The following RCSD1 variants were observed in gnomAD, a reference collection of about 807,000 sequenced individuals.
RCSD1 encodes RCSD domain containing 1.
RCSD1 carries 26 observed loss-of-function variants against 42.5 expected under a neutral mutation model. The ratio of observed to expected loss-of-function variants is 0.61; its 90% CI spans 0.45 to 0.85. The LOEUF (loss-of-function observed/expected upper bound fraction) is 0.85. RCSD1 is among the 40% of genes least tolerant of loss of function. RCSD1 has a pLI of 0.00. For synonymous variants in RCSD1, 220 were observed against 212.2 expected (o/e 1.04, Z -0.32); for missense variants, 571 against 528.3 (o/e 1.08, Z -0.79).
chr1:167,639,847 C>T (rs1438876989), intron 1 of RCSD1, among the ~76,000 whole-genome samples: 1 of 152,156 alleles, frequency 6.6e-6, no homozygotes, highest in African/African-American at 2.4e-5. Flanking sequence ...GCTAGGAGGG[C>T]CCAGCTACCC....
Position 167,643,638 on chromosome 1 carries a change from G to C in RCSD1, c.6+13209G>C, listed in dbSNP as rs549757549. 6.6e-5 allele frequency among the ~76,000 whole-genome samples: 10 copies of C among 152,132 alleles called. No homozygotes were observed. The East Asian group carries it at 1.9e-3, about 29-fold the overall frequency. ...CTTAAGGGCTAAGAGCACACACAGA[G>C]AGCCATATGGCTGGGTTTGAGTTTG... On this transcript the variant is annotated intron_variant, in intron 1 of 6. Transcript: ENST00000367854.
chr1:167,649,632 A>G (rs1186467513), intron 1 of RCSD1, among the ~76,000 whole-genome samples: 1 of 152,166 alleles, frequency 6.6e-6, no homozygotes, highest in African/African-American at 2.4e-5. Flanking sequence ...TGAGGCCTTT[A>G]GGAGGCTGGT....
chr1:167,680,324 G>A (rs1450053887), intron 1 of RCSD1, among the ~76,000 whole-genome samples: 1 of 152,008 alleles, frequency 6.6e-6, no homozygotes, highest in Non-Finnish European at 1.5e-5. Flanking sequence ...ATCTGGGTAT[G>A]GTCCATGGGG....
At chr1:167,630,490 C>G in intron 1 of RCSD1, 61 bp downstream of exon 1, 1 of 1,475,044 alleles carries the variant, frequency 6.8e-7, no homozygotes, top group Non-Finnish European at 9.1e-7. Context: ...GGCGCCCCTT[C>G]CCCGGGCGGC....
intron 1 of RCSD1, among the ~76,000 whole-genome samples, chr1:167,632,057 C>T (rs779875930): frequency 6.6e-6 from 1 of 152,216 alleles, no homozygotes; most frequent in Non-Finnish European, 1.5e-5. Flanking sequence ...ACGCACACAG[C>T]GAAGCTCAGC....
intron 1 of RCSD1, among the ~76,000 whole-genome samples, chr1:167,632,056 G>A (rs1657714933): frequency 6.6e-6 from 1 of 152,236 alleles, no homozygotes; most frequent in East Asian, 1.9e-4. Flanking sequence ...CACGCACACA[G>A]CGAAGCTCAG....
chr1:167,678,359 A>G lies in RCSD1; in HGVS notation c.7-5541A>G, dbSNP rs191096851. The stretch of plus-strand genomic sequence containing the variant: ...CATGTCAGACTTTCATGACCAAGGA[A>G]GAACTATTCATTGCCCAACTAGCCC... On this transcript the variant is annotated intron_variant, in intron 1 of 6. Transcript: ENST00000367854. 1.3e-3 allele frequency among the ~76,000 whole-genome samples: 195 copies of G among 152,280 alleles called. 4 individuals are homozygous for G. The highest frequency in any genetic ancestry group is 8.1e-3 in the East Asian group (42 of 5,184).
chr1:167,689,123 A>G (rs918807232), intron 3 of RCSD1, among the ~76,000 whole-genome samples: 4 of 152,216 alleles, frequency 2.6e-5, no homozygotes, highest in African/African-American at 9.6e-5. Flanking sequence ...AGACTGAATC[A>G]TGCTCATCTT....
At chr1:167,683,133 T>A (rs867549441) in intron 1 of RCSD1, among the ~76,000 whole-genome samples, 2 of 152,194 alleles carry the variant, frequency 1.3e-5, no homozygotes, top group South Asian at 2.1e-4. Flanking sequence ...ACAGCCACGG[T>A]AAACTGATGA....
intron 1 of RCSD1, among the ~76,000 whole-genome samples, chr1:167,636,088 G>GA (rs1435326420): frequency 2.0e-5 from 3 of 152,114 alleles, no homozygotes; most frequent in Non-Finnish European, 4.4e-5. Context: ...TCAGCCTCCC[G>GA]TTTTTTTCCT....
chr1:167,678,594 C>T (rs757577617), intron 1 of RCSD1, among the ~76,000 whole-genome samples: 4 of 152,156 alleles, frequency 2.6e-5, no homozygotes, highest in East Asian at 1.9e-4. Context: ...TCAGCTGGAC[C>T]GCTGCCAGCA....
At chr1:167,680,568 C>G (rs1282726935) in intron 1 of RCSD1, among the ~76,000 whole-genome samples, 1 of 152,080 alleles carries the variant, frequency 6.6e-6, no homozygotes, top group South Asian at 2.1e-4. Context: ...GCAGCCTCGA[C>G]CAACTGGGCC....
At chr1:167,688,153 G>T (rs1311765469) in intron 3 of RCSD1, among the ~76,000 whole-genome samples, 1 of 152,154 alleles carries the variant, frequency 6.6e-6, no homozygotes, top group Admixed American at 6.5e-5. Context: ...GATTCTTTCT[G>T]CTTTGCAATT....
intron 1 of RCSD1, among the ~76,000 whole-genome samples, chr1:167,650,574 A>G (rs1335168184): frequency 6.6e-6 from 1 of 152,196 alleles, no homozygotes; most frequent in African/African-American, 2.4e-5. Flanking sequence ...TGTGCTCTCT[A>G]ACCAGAAGGA....
At chr1:167,699,504 C>T (rs1659589723) in intron 6 of RCSD1, among the ~76,000 whole-genome samples, 1 of 152,154 alleles carries the variant, frequency 6.6e-6, no homozygotes, top group Non-Finnish European at 1.5e-5. Flanking sequence ...TCTCTGCCTC[C>T]ATCTCCATCA....
At chr1:167,652,711 G>A (rs1292533311) in intron 1 of RCSD1, among the ~76,000 whole-genome samples, 1 of 151,972 alleles carries the variant, frequency 6.6e-6, no homozygotes, top group South Asian at 2.1e-4. Context: ...AAGCATGGGG[G>A]ATTTTTTTTT....
At chr1:167,703,173 C>T (rs1659683303) in intron 6 of RCSD1, among the ~76,000 whole-genome samples, 1 of 152,120 alleles carries the variant, frequency 6.6e-6, no homozygotes, top group Non-Finnish European at 1.5e-5. Flanking sequence ...AGTTCTTGGC[C>T]CTATTTCTTC....
At chr1:167,668,320 T>C (rs1379540583) in intron 1 of RCSD1, among the ~76,000 whole-genome samples, 1 of 151,704 alleles carries the variant, frequency 6.6e-6, no homozygotes, top group Non-Finnish European at 1.5e-5. Context: ...TCCAGCCACA[T>C]CTTCTTTCAG....
chr1:167,704,581 A>G, intron 6 of RCSD1, 83 bp from the exon 7 acceptor site: 1 of 1,159,094 alleles, frequency 8.6e-7, no homozygotes, highest in East Asian at 2.4e-5. Context: ...TTATTGCCAG[A>G]TCCATCATCC....
Sources: allele counts gnomAD v4.1 joint callset (sites outside exome capture counted in the v4.1 genomes callset), GRCh38; gene constraint gnomAD v4.1.1; transcripts MANE v1.5; gene names NCBI Gene and HGNC (gene_info 2026-07-23, HGNC 2026-07-21).